ZNF3: variants seen among roughly 807,000 people sequenced by gnomAD.
ZNF3 encodes zinc finger protein 3.
Under a neutral mutation model 36.9 loss-of-function variants are expected in ZNF3, and 16 were observed. The observed-to-expected ratio is 0.43, with a 90% CI of 0.29 to 0.66. ZNF3 has a LOEUF of 0.66. Among genes scored for constraint, ZNF3 ranks in the 30% least tolerant of loss-of-function variants. The probability of loss-of-function intolerance (pLI) is 0.13; values close to 1 mark genes in which losing one functional copy is unlikely to be tolerated. For synonymous variants in ZNF3, 201 were observed against 201.9 expected, an observed-to-expected ratio of 1.00 and a Z score of 0.04; for missense variants, 462 against 543.1, an observed-to-expected ratio of 0.85 and a Z score of 1.48.
At chr7:100,073,431 C>T (rs1004172280) in intron 5 of ZNF3, among the ~76,000 whole-genome samples, 3 of 152,136 alleles carry the variant, frequency 2.0e-5, no homozygotes, top group African/African-American at 7.2e-5. Context: ...TAACTGCAAC[C>T]TCCACCTCCC....
intron 5 of ZNF3, among the ~76,000 whole-genome samples, chr7:100,074,375 A>G (rs868138486): frequency 8.6e-5 from 13 of 152,036 alleles, no homozygotes; most frequent in African/African-American, 3.1e-4. Flanking sequence ...GGCTCAAGTG[A>G]TCCTCCAACC....
chr7:100,064,364 G>A (rs764247240), exon 6 of ZNF3: 48 of 1,614,038 alleles, frequency 3.0e-5, no homozygotes, highest in Non-Finnish European at 3.8e-5. Flanking sequence ...CCTTATCAGT[G>A]TAACGAATGT....
At chr7:100,078,143 A>T (rs1316856586) in intron 2 of ZNF3, among the ~76,000 whole-genome samples, 1 of 152,022 alleles carries the variant, frequency 6.6e-6, no homozygotes, top group African/African-American at 2.4e-5. Flanking sequence ...TGCCCCCATC[A>T]CTTTGAGTAA....
In ZNF3 at chr7:100,064,553, T is replaced by C. The variant is rs755057145; in HGVS notation, c.*235A>G. 1.2e-4 allele frequency: 196 copies of C among 1,614,016 alleles called. No homozygotes were observed. Among genetic ancestry groups the C allele is most frequent in the Non-Finnish European group, 1.6e-4 (189 of 1,180,022 alleles). On this transcript the variant is annotated 3_prime_UTR_variant, in exon 6 of 6. Coordinates refer to the ZNF3 transcript ENST00000413658. ...TGGTGTCATCACTGTGGAAAGACCTTCTGTAGCAAGTCCAATCTTTCCAAA... is the reference window on the plus strand; with the variant it reads ...TGGTGTCATCACTGTGGAAAGACCTCCTGTAGCAAGTCCAATCTTTCCAAA...
At chr7:100,077,581 T>A in intron 2 of ZNF3, 148 bp from the exon 3 acceptor site, 1 of 715,498 alleles carries the variant, frequency 1.4e-6, no homozygotes, top group Non-Finnish European at 2.0e-6. Flanking sequence ...TTTTATTTTT[T>A]AATTTTTTTT....
At chr7:100,065,170 G>A, downstream of ZNF3, 1 of 470,490 alleles carries the variant, frequency 2.1e-6, no homozygotes, top group Non-Finnish European at 3.7e-6. Context: ...GCTTACGCCT[G>A]TAATCCCAGC....
chr7:100,072,231 C>G lies in ZNF3; in HGVS notation c.272-19G>C. 1 of 1,544,334 alleles carries G rather than the reference C, an allele frequency of 6.5e-7. No homozygotes were observed. The highest frequency in any genetic ancestry group is 8.7e-7 in the Non-Finnish European group (1 of 1,148,036). ...TCACGATCTGACACAATAAAAAATG[C>G]AAATGTCACTTGTTCCTTAGGGAAG... On this transcript the variant is annotated intron_variant, in intron 5 of 5. Transcript: ENST00000299667.
rs763099408 is a variant in ZNF3 at position 100,077,385 on chromosome 7, T to C, written c.-28A>G. The C allele has an allele frequency of 3.1e-6, 5 of 1,613,336 alleles. No individual in the cohort carries two copies. The highest frequency in any genetic ancestry group is 4.2e-6 in the Non-Finnish European group (5 of 1,179,914). ...AAGGGCAAGGTGCTCTCTGGTCTCC[T>C]GGGTGCAGACTCAGCGGGAAGCGGG... is the stretch of plus-strand genomic sequence containing the variant. On this transcript the variant is annotated 5_prime_UTR_variant, in exon 3 of 6. Coordinates refer to ENST00000299667, the MANE Select transcript of ZNF3 (RefSeq NM_032924.5).
rs771066075 is a variant in ZNF3 at position 100,071,257 on chromosome 7, C to T, written c.1227G>A (p.Ser409=). The T allele has an allele frequency of 1.7e-5, 27 of 1,614,012 alleles. No individual in the cohort carries two copies. Among genetic ancestry groups the T allele is most frequent in the African/African-American group, 4.0e-5 (3 of 74,898 alleles). Residue 409 remains serine, a synonymous_variant, in exon 6 of 6, where the codon TCG becomes TCA. Transcript: ENST00000299667. ...SECGKAFRYS[S]ALVRHQRIHT... ...GAATTCTCTGATGGCGAACAAGAGCCGAGCTGTACCTGAAGGCTTTCCCAC... is the reference window on the plus strand; with the variant it reads ...GAATTCTCTGATGGCGAACAAGAGCTGAGCTGTACCTGAAGGCTTTCCCAC...
At chr7:100,065,225 G>A (rs891552619), downstream of ZNF3, among the ~76,000 whole-genome samples, 2 of 152,122 alleles carry the variant, frequency 1.3e-5, no homozygotes, top group Admixed American at 6.6e-5. Flanking sequence ...TCAGGAGTTC[G>A]AGACCAGTCT....
intron 2 of ZNF3, chr7:100,078,800 G>A (rs1794545387): frequency 6.6e-6 from 1 of 152,084 alleles, no homozygotes; most frequent in Non-Finnish European, 1.5e-5. Context: ...TAACTCTATT[G>A]CCACTCACAA....
intron 3 of ZNF3, among the ~76,000 whole-genome samples, chr7:100,076,461 T>C (rs1008902937): frequency 4.0e-5 from 6 of 151,676 alleles, no homozygotes; most frequent in African/African-American, 7.3e-5. Context: ...CCCGGCTAAT[T>C]TTTTGTATTT....
In ZNF3 at chr7:100,072,199, C is replaced by T. The variant is rs533637129; in HGVS notation, c.285G>A (p.Arg95=). 6 of 1,585,586 alleles carry T rather than the reference C, an allele frequency of 3.8e-6. No homozygotes were observed. The African/African-American group carries it at 6.8e-5, about 18-fold the overall frequency. Residue 95 remains arginine (R), a synonymous_variant, in exon 6 of 6, where the codon AGG becomes AGA. Transcript: ENST00000299667. ...GNVFSLDRET[R]TENDQEISED... ...CAGAAATTTCTTGATCATTTTCAGT[C>T]CTGGTCTCACGATCTGACACAATAA...
At chr7:100,072,946 A>C (rs1186441147) in intron 5 of ZNF3, among the ~76,000 whole-genome samples, 1 of 152,170 alleles carries the variant, frequency 6.6e-6, no homozygotes, top group Non-Finnish European at 1.5e-5. Context: ...GATATTTTAA[A>C]AAGTAAAGAC....
At position 100,075,576 on chromosome 7, in the gene ZNF3, A is replaced by G; in HGVS notation, c.110T>C (p.Met37Thr). 8 of 1,614,144 alleles carry G rather than the reference A, an allele frequency of 5.0e-6. No homozygotes were observed. The highest frequency in any genetic ancestry group is 6.8e-6 in the Non-Finnish European group (8 of 1,180,024). ...FSDKDSLGDE[M>T]LAAALLKAKS... Reference sequence around the variant, plus strand: ...GGCCTTTAGGAGCGCAGCCGCCAACATCTCATCCCCCAGGCTGTCCTTGTC... The same window carrying G: ...GGCCTTTAGGAGCGCAGCCGCCAACGTCTCATCCCCCAGGCTGTCCTTGTC... The change falls in exon 4 of 6, where the codon ATG (methionine) becomes ACG (threonine). Residue 37 changes from methionine (M) to threonine (T), a missense_variant. Transcript: ENST00000299667.
At chr7:100,064,253 T>G in exon 6 of ZNF3, 7 of 1,614,000 alleles carry the variant, frequency 4.3e-6, no homozygotes, top group Non-Finnish European at 5.9e-6. Context: ...CATCAGAGAA[T>G]GCACACAGAA....
chr7:100,077,393 G>C lies in ZNF3; in HGVS notation c.-36C>G. 6.2e-7 allele frequency: 1 copy of C among 1,613,494 alleles called. No homozygotes were observed. The highest frequency in any genetic ancestry group is 8.5e-7 in the Non-Finnish European group (1 of 1,179,842). ...GGTGCTCTCTGGTCTCCTGGGTGCA[G>C]ACTCAGCGGGAAGCGGGTTTTAAAA... On this transcript the variant is annotated 5_prime_UTR_variant, in exon 3 of 6. Coordinates refer to ENST00000299667, the MANE Select transcript of ZNF3 (RefSeq NM_032924.5).
At chr7:100,072,675 G>A (rs1469710794) in intron 5 of ZNF3, among the ~76,000 whole-genome samples, 1 of 152,144 alleles carries the variant, frequency 6.6e-6, no homozygotes, top group Non-Finnish European at 1.5e-5. Context: ...CAAGGGGGAG[G>A]ATGCTAGTGG....
At chr7:100,064,558 A>G in exon 6 of ZNF3, 1 of 1,614,246 alleles carries the variant, frequency 6.2e-7, no homozygotes, top group Non-Finnish European at 8.5e-7. Flanking sequence ...GACCTTCTGT[A>G]GCAAGTCCAA....
Sources: allele counts gnomAD v4.1 joint callset (sites outside exome capture counted in the v4.1 genomes callset), GRCh38; gene constraint gnomAD v4.1.1; transcripts MANE v1.5; gene names NCBI Gene and HGNC (gene_info 2026-07-23, HGNC 2026-07-21).